The following NTM variants were observed in gnomAD, a reference collection of about 807,000 sequenced individuals.
NTM encodes neurotrimin.
Under a neutral mutation model 42.1 loss-of-function variants are expected in NTM, and 13 were observed. The observed-to-expected ratio is 0.31, with a 90% CI of 0.20 to 0.49. The LOEUF is 0.49. Among genes scored for constraint, NTM ranks in the 20% least tolerant of loss-of-function variants. The probability of loss-of-function intolerance (pLI) is 0.99; values close to 1 mark genes in which losing one functional copy is unlikely to be tolerated. For synonymous variants in NTM, 187 were observed against 179.2 expected (o/e 1.04, Z -0.35); for missense variants, 373 against 452.8 (o/e 0.82, Z 1.60).
rs777766540 is a variant in NTM at position 132,314,669 on chromosome 11, G to T, written c.900G>T (p.Lys300Asn). The T allele has an allele frequency of 1.1e-5, 17 of 1,613,706 alleles. No homozygotes were observed. Among genetic ancestry groups the T allele is most frequent in the Admixed American group, 1.7e-5 (1 of 59,944 alleles). ...YGNYTCVASNKLGHTNASIML... is the reference protein window; with the variant it reads ...YGNYTCVASNNLGHTNASIML... ...ACTACACTTGCGTGGCCTCCAACAA[G>T]CTGGGCCACACCAATGCCAGCATCA... The change falls in exon 7 of 9, where the codon AAG (lysine) becomes AAT (asparagine). Residue 300 changes from lysine (K) to asparagine (N), a missense_variant. Physicochemically the swap from Lys to Asn is moderately conservative, Grantham distance 94 (BLOSUM62 0). This residue lies in a region of NTM where 312 missense variants were observed against 353.5 expected (regional missense o/e 0.88). Transcript: ENST00000683400.
intron 2 of NTM, among the ~76,000 whole-genome samples, chr11:131,936,294 A>G (rs1013602050): frequency 6.6e-6 from 1 of 152,200 alleles, no homozygotes; most frequent in East Asian, 1.9e-4. Flanking sequence ...ATTCCTCTAT[A>G]TAATACCAGA....
At chr11:132,110,519 TTG>T (rs1204585042) in intron 2 of NTM, among the ~76,000 whole-genome samples, 1 of 152,242 alleles carries the variant, frequency 6.6e-6, no homozygotes, top group Non-Finnish European at 1.5e-5. Context: ...CTTTCCATTT[TTG>T]GCTGAAGGGC....
chr11:131,687,669 C>A (rs1395345594), intron 1 of NTM, among the ~76,000 whole-genome samples: 1 of 152,200 alleles, frequency 6.6e-6, no homozygotes, highest in East Asian at 1.9e-4. Context: ...AAGGGACGCA[C>A]CGAAATATGA....
chr11:132,316,384 CCACCCTATGGGTCT>C (rs769442189), intron 7 of NTM, among the ~76,000 whole-genome samples: 4 of 152,202 alleles, frequency 2.6e-5, no homozygotes, highest in South Asian at 2.1e-4. Context: ...CCCATGCCCC[CCACCCTATGGGTCT>C]ATCAATCAGC....
At chr11:131,863,396 G>C (rs2046838342) in intron 1 of NTM, among the ~76,000 whole-genome samples, 1 of 152,024 alleles carries the variant, frequency 6.6e-6, no homozygotes, top group Non-Finnish European at 1.5e-5. Flanking sequence ...TGTTCTTGGG[G>C]TCCTCCTGAC....
At chr11:131,481,144 T>G (rs1953537388) in intron 1 of NTM, among the ~76,000 whole-genome samples, 1 of 152,206 alleles carries the variant, frequency 6.6e-6, no homozygotes, top group Non-Finnish European at 1.5e-5. Flanking sequence ...AAATTTGAGC[T>G]TCAATTTCCT....
At chr11:131,646,386 G>A (rs1356714475) in intron 1 of NTM, among the ~76,000 whole-genome samples, 1 of 151,896 alleles carries the variant, frequency 6.6e-6, no homozygotes, top group Non-Finnish European at 1.5e-5. Context: ...AACTCACAAA[G>A]AAAAAAAATT....
chr11:132,169,037 T>A (rs1342642491), intron 3 of NTM, among the ~76,000 whole-genome samples: 1 of 129,334 alleles, frequency 7.7e-6, no homozygotes, highest in Non-Finnish European at 1.7e-5. Flanking sequence ...ATCAAACTCA[T>A]TATCCATCCA....
chr11:132,133,386 T>C (rs2067183992), intron 2 of NTM, among the ~76,000 whole-genome samples: 1 of 152,192 alleles, frequency 6.6e-6, no homozygotes, highest in Non-Finnish European at 1.5e-5. Context: ...TTGAATTCCT[T>C]AAGAGCTTAA....
At chr11:132,169,411 C>T (rs548477079) in intron 3 of NTM, among the ~76,000 whole-genome samples, 5 of 125,316 alleles carry the variant, frequency 4.0e-5, no homozygotes, top group African/African-American at 1.5e-4. Flanking sequence ...TCTCAGCTCA[C>T]TGCAACTTCT....
In NTM at chr11:131,598,682, G is replaced by GTT. The variant is rs1254969611; in HGVS notation, c.82+227797_82+227798dup. Among the ~76,000 whole-genome samples, 3 of 118,664 alleles carry GTT rather than the reference G, an allele frequency of 2.5e-5. 1 individual carries two copies. Among genetic ancestry groups the GTT allele is most frequent in the Non-Finnish European group, 5.6e-5 (3 of 53,674 alleles). The allele number at this position is 118,664 out of a possible 152,430, so 77.8% of individuals were successfully genotyped here. A position where few individuals can be genotyped will look rare whatever the true frequency, so the allele number is the denominator to read the frequency against. On this transcript the variant is annotated intron_variant, in intron 1 of 8. Coordinates refer to ENST00000683400, the MANE Select transcript of NTM (RefSeq NM_001352005.2). Reference sequence around the variant, plus strand: ...GAGAACTACTACTCTCTTCTCATTTGTTTTCTTTCTTTCTTTCTTTCTTTC... The same window carrying GTT: ...GAGAACTACTACTCTCTTCTCATTTGTTTTTTCTTTCTTTCTTTCTTTCTTTC...
intron 1 of NTM, among the ~76,000 whole-genome samples, chr11:131,829,387 T>C (rs1360702640): frequency 6.6e-6 from 1 of 152,174 alleles, no homozygotes; most frequent in Non-Finnish European, 1.5e-5. Flanking sequence ...CCCATCTTTA[T>C]GTCCATGAGT....
rs534833784 is a variant in NTM at position 132,157,686 on chromosome 11, T to C, written c.400+11172T>C. The stretch of plus-strand genomic sequence containing the variant: ...TCGTATTTGTGTTTTTTCTCCACTA[T>C]GTGTCTCATAGGCATCTCAAACTGA... On this transcript the variant is annotated intron_variant, in intron 3 of 8. Transcript: ENST00000683400. Among the ~76,000 whole-genome samples the C allele has an allele frequency of 5.3e-5, 8 of 152,308 alleles. No homozygotes were observed. The South Asian group carries it at 1.7e-3, about 32-fold the overall frequency.
At chr11:131,874,155 G>C (rs940136111) in intron 1 of NTM, among the ~76,000 whole-genome samples, 3 of 147,942 alleles carry the variant, frequency 2.0e-5, no homozygotes, top group African/African-American at 7.4e-5. Context: ...TCTCACCTGG[G>C]CTCCCACAGT....
chr11:132,270,129 T>C (rs886172429), intron 4 of NTM, among the ~76,000 whole-genome samples: 9 of 152,232 alleles, frequency 5.9e-5, no homozygotes, highest in African/African-American at 2.2e-4. Flanking sequence ...ACGTATATAT[T>C]CTTTAGAGTA....
chr11:132,193,388 C>G (rs2079622107), intron 3 of NTM, among the ~76,000 whole-genome samples: 1 of 151,874 alleles, frequency 6.6e-6, no homozygotes, highest in Non-Finnish European at 1.5e-5. Context: ...AGTTAAACAA[C>G]CTGCTCCTGG....
chr11:132,127,468 C>G (rs2066033702), intron 2 of NTM, among the ~76,000 whole-genome samples: 2 of 152,218 alleles, frequency 1.3e-5, no homozygotes, highest in Admixed American at 1.3e-4. Context: ...GGCCTGAGCC[C>G]TCTATAACAC....
At position 131,608,010 on chromosome 11, in the gene NTM, C is replaced by T. The variant is rs144736775; in HGVS notation, c.82+237122C>T. On this transcript the variant is annotated intron_variant, in intron 1 of 8. Transcript: ENST00000683400. ...TGTTGGTGTGCTGCACCCATTAACT[C>T]GTCATTTACATTAGGTATATCTCCT... Among the ~76,000 whole-genome samples the T allele has an allele frequency of 7.1e-3, 1,081 of 152,160 alleles. 14 individuals carry two copies. The highest frequency in any genetic ancestry group is 0.025 in the African/African-American group (1,043 of 41,484).
intron 2 of NTM, among the ~76,000 whole-genome samples, chr11:131,964,773 T>C (rs1412622946): frequency 1.3e-5 from 2 of 152,204 alleles, no homozygotes; most frequent in African/African-American, 4.8e-5. Context: ...GTCTTTCCCA[T>C]GCTCATTCCA....
Sources: allele counts gnomAD v4.1 joint callset (sites outside exome capture counted in the v4.1 genomes callset), GRCh38; gene constraint gnomAD v4.1.1; regional missense constraint gnomAD v4.1.1; transcripts MANE v1.5; gene names NCBI Gene and HGNC (gene_info 2026-07-23, HGNC 2026-07-21).